FRMD3: variants seen among roughly 807,000 people sequenced by gnomAD.
FRMD3 encodes FERM domain-containing protein 3.
Under a neutral mutation model 70.2 loss-of-function variants are expected in FRMD3, and 33 were observed. The observed-to-expected ratio is 0.47, with a 90% CI of 0.36 to 0.63. FRMD3 has a LOEUF of 0.63. Among genes scored for constraint, FRMD3 ranks in the 20% least tolerant of loss-of-function variants. FRMD3 has a pLI of 0.00. For synonymous variants in FRMD3, 279 were observed against 255.9 expected, an observed-to-expected ratio of 1.09 and a Z score of -0.86; for missense variants, 632 against 711.4, an observed-to-expected ratio of 0.89 and a Z score of 1.27.
At chr9:83,334,756 A>G (rs1823520760) in intron 6 of FRMD3, among the ~76,000 whole-genome samples, 1 of 152,168 alleles carries the variant, frequency 6.6e-6, no homozygotes. Context: ...TGTAGAGTGT[A>G]ACCATCACAC....
intron 1 of FRMD3, among the ~76,000 whole-genome samples, chr9:83,446,522 C>G (rs1440552668): frequency 2.0e-5 from 3 of 151,806 alleles, no homozygotes; most frequent in Non-Finnish European, 4.4e-5. Flanking sequence ...TGGCGGGCGC[C>G]TGTAGTCCCA....
chr9:83,475,092 C>T (rs1371186064), intron 1 of FRMD3, among the ~76,000 whole-genome samples: 15 of 152,206 alleles, frequency 9.9e-5, no homozygotes, highest in African/African-American at 3.4e-4. Context: ...TTTTTATTTA[C>T]AGTGCCCAAC....
upstream of FRMD3, among the ~76,000 whole-genome samples, chr9:83,539,131 C>A (rs12339720): frequency 8.6e-3 from 1,312 of 152,310 alleles, 25 homozygotes; most frequent in African/African-American, 0.03. Flanking sequence ...CTATCCTACT[C>A]CCCTGCTTTA....
intron 3 of FRMD3, among the ~76,000 whole-genome samples, chr9:83,361,916 T>A (rs1201405345): frequency 6.6e-6 from 1 of 152,166 alleles, no homozygotes; most frequent in Admixed American, 6.5e-5. Flanking sequence ...GAAGCATTCT[T>A]CCCTAGAGCC....
At chr9:83,377,258 TCTAA>T (rs1825179110) in intron 2 of FRMD3, among the ~76,000 whole-genome samples, 1 of 152,140 alleles carries the variant, frequency 6.6e-6, no homozygotes, top group Non-Finnish European at 1.5e-5. Flanking sequence ...TATGTAAGCA[TCTAA>T]ATATATTTGT....
At chr9:83,262,546 T>C (rs1417930073) in intron 13 of FRMD3, among the ~76,000 whole-genome samples, 1 of 152,236 alleles carries the variant, frequency 6.6e-6, no homozygotes, top group Non-Finnish European at 1.5e-5. Flanking sequence ...TAATTATTTA[T>C]ATCAGTCCTC....
chr9:83,456,430 T>C (rs1477251030), intron 1 of FRMD3, among the ~76,000 whole-genome samples: 2 of 152,188 alleles, frequency 1.3e-5, no homozygotes, highest in Non-Finnish European at 2.9e-5. Context: ...AATGGAACTG[T>C]TGAGTCAGAG....
At chr9:83,356,884 T>C (rs965660516) in intron 3 of FRMD3, among the ~76,000 whole-genome samples, 2 of 151,808 alleles carry the variant, frequency 1.3e-5, no homozygotes, top group Admixed American at 1.3e-4. Flanking sequence ...CTGTTATCCC[T>C]CACCACCCCC....
chr9:83,262,202 A>ACTT (rs1486757291), intron 13 of FRMD3, among the ~76,000 whole-genome samples: 3 of 152,202 alleles, frequency 2.0e-5, no homozygotes, highest in Non-Finnish European at 4.4e-5. Context: ...GTACATAGGA[A>ACTT]CATCGACTTC....
intron 1 of FRMD3, among the ~76,000 whole-genome samples, chr9:83,491,355 GC>G (rs879286469): frequency 1.2e-4 from 19 of 152,184 alleles, no homozygotes; most frequent in Non-Finnish European, 2.5e-4. Context: ...AACAGTGCTT[GC>G]CGAGTTTTCT....
At chr9:83,378,147 T>C (rs1388002235) in intron 2 of FRMD3, among the ~76,000 whole-genome samples, 3 of 152,108 alleles carry the variant, frequency 2.0e-5, no homozygotes. Flanking sequence ...CAGAGCTTGG[T>C]GCATCGTGAA....
chr9:83,461,665 CTTTTTTTTTTTTTTTTTTTTTTTTT>C (rs200147815), intron 1 of FRMD3, among the ~76,000 whole-genome samples: 102 of 70,704 alleles, frequency 1.4e-3, no homozygotes, highest in East Asian at 1.9e-3. Flanking sequence ...AGGAATTTCC[CTTTTTTTTTTTTTTTTTTTTTTTTT>C]TTTTTTTTTT....
At chr9:83,429,147 A>T (rs1173068664) in intron 1 of FRMD3, among the ~76,000 whole-genome samples, 1 of 152,242 alleles carries the variant, frequency 6.6e-6, no homozygotes, top group African/African-American at 2.4e-5. Context: ...ATAAAGAGGA[A>T]ATAAGCAGTT....
At chr9:83,525,518 C>A (rs1829666819) in intron 1 of FRMD3, among the ~76,000 whole-genome samples, 1 of 152,166 alleles carries the variant, frequency 6.6e-6, no homozygotes, top group Non-Finnish European at 1.5e-5. Flanking sequence ...GCATAACTTG[C>A]AAAGCTGCTC....
chr9:83,244,526 G>GTTT, downstream of FRMD3: 1 of 252,682 alleles, frequency 4.0e-6, no homozygotes, highest in Non-Finnish European at 6.2e-6. Flanking sequence ...ATTATATGTT[G>GTTT]ACCTCATTTC....
chr9:83,577,900 A>G, the FRMD3 span, among the ~76,000 whole-genome samples: 1 of 151,902 alleles, frequency 6.6e-6, no homozygotes, highest in Admixed American at 6.6e-5. Context: ...TAAGAGTTGC[A>G]TTTTTAAAAG....
chr9:83,350,695 T>G (rs1337129696), intron 3 of FRMD3: 2 of 908,070 alleles, frequency 2.2e-6, no homozygotes, highest in Non-Finnish European at 2.6e-6. Context: ...AGAAAACAAT[T>G]TTATAACTTT....
At position 83,325,305 on chromosome 9, in the gene FRMD3, T is replaced by A. The variant is rs142062339; in HGVS notation, c.596+10211A>T. ...CAAAATGACACTTATACTTGATAAA[T>A]CTATTTTTAAATTTATTTATTTATT... On this transcript the variant is annotated intron_variant, in intron 6 of 13. Coordinates refer to ENST00000304195, the MANE Select transcript of FRMD3 (RefSeq NM_174938.6). Among the ~76,000 whole-genome samples the A allele has an allele frequency of 1.4e-4, 22 of 152,272 alleles. No homozygotes were observed. The East Asian group carries it at 4.1e-3, about 28-fold the overall frequency.
chr9:83,494,795 C>A (rs1828902451), intron 1 of FRMD3, among the ~76,000 whole-genome samples: 1 of 151,894 alleles, frequency 6.6e-6, no homozygotes. Context: ...TGCCTGTAGT[C>A]CCAGCTACAT....
Sources: gnomAD v4.1 joint callset for allele counts (sites outside exome capture counted in the v4.1 genomes callset) on GRCh38, gnomAD v4.1.1 for gene constraint, MANE v1.5 for transcripts, NCBI Gene and HGNC (gene_info 2026-07-23, HGNC 2026-07-21) for gene names.